Variants in CPNE7 observed in about 807,000 individuals in gnomAD.
The protein encoded by CPNE7 is copine-7.
A neutral mutation model predicts 66.5 loss-of-function variants in CPNE7; 78 were observed. That is an observed-to-expected ratio of 1.17 (90% CI 0.98 to 1.42). CPNE7 has a LOEUF of 1.42. Ranked by LOEUF, CPNE7 falls within the 40% of genes most tolerant of loss-of-function variation. The probability of loss-of-function intolerance (pLI) is 0.00; values close to 1 mark genes in which losing one functional copy is unlikely to be tolerated. For missense variants in CPNE7, 1,012 were observed against 776.6 expected (o/e 1.30, Z -3.60); for synonymous variants, 468 against 336.7 (o/e 1.39, Z -4.27).
Position 89,585,719 on chromosome 16 carries a change from G to A in CPNE7, c.714G>A (p.Lys238=), listed in dbSNP as rs915772031. ...TCTGGGATTACGACTCTCGAGGAAA[G>A]CACGACTTCATCGGAGAATTCTCTA... The part of the protein sequence containing the change: ...CLVWDYDSRG[K]HDFIGEFSTT... The change falls in exon 7 of 15, where the codon AAG becomes AAA. Residue 238 remains lysine, a synonymous_variant. Coordinates refer to ENST00000319518, the MANE Select transcript of CPNE7 (RefSeq NM_153636.3). The A allele has an allele frequency of 6.5e-7, 1 of 1,549,370 alleles. No homozygotes were observed. The highest frequency in any genetic ancestry group is 2.0e-5 in the Admixed American group (1 of 50,806).
rs1442966790 is a variant in CPNE7, at chr16:89,584,120, G to A, written c.507+18G>A. The A allele has an allele frequency of 8.1e-6, 13 of 1,604,234 alleles. No homozygotes were observed. The highest frequency in any genetic ancestry group is 1.1e-5 in the Non-Finnish European group (13 of 1,176,114). The stretch of plus-strand genomic sequence containing the variant: ...ACGACAAGGTGAGTGCAGGTGCCGG[G>A]CACGCCTGGCTCAGGCTGAGGTCCG... On this transcript the variant is annotated intron_variant, in intron 4 of 14. Coordinates refer to ENST00000319518, the MANE Select transcript of CPNE7 (RefSeq NM_153636.3). The surrounding 1 kb of genome is among the most constrained non-coding windows in gnomAD (Gnocchi z 6.0).
Position 89,584,258 on chromosome 16 carries a change from C to G in CPNE7, c.507+156C>G, listed in dbSNP as rs142995402. Among the ~76,000 whole-genome samples the G allele has an allele frequency of 2.0e-5, 3 of 152,216 alleles. No individual in the cohort carries two copies. The highest frequency in any genetic ancestry group is 7.2e-5 in the African/African-American group (3 of 41,466). On this transcript the variant is annotated intron_variant, in intron 4 of 14. Transcript: ENST00000319518. This position sits in a 1 kb window ranked among gnomAD's most constrained non-coding sequence, Gnocchi z 6.0. ...CTGGGCGTGCTGCCGTCACGGTCGCCATCATCACTGTCACCGCCATTAGCT... is the reference window on the plus strand; with the variant it reads ...CTGGGCGTGCTGCCGTCACGGTCGCGATCATCACTGTCACCGCCATTAGCT...
At chr16:89,580,377 CCGT>C (rs2058934026) in intron 2 of CPNE7, among the ~76,000 whole-genome samples, 1 of 143,166 alleles carries the variant, frequency 7.0e-6, no homozygotes. Flanking sequence ...ATCCCATCAC[CCGT>C]CACATGGAAC....
intron 5 of CPNE7, 133 bp from the exon 6 acceptor site, chr16:89,585,331 G>A (rs1330624784): frequency 1.5e-6 from 1 of 662,496 alleles, no homozygotes; most frequent in Non-Finnish European, 2.7e-6. Context: ...CAGGGCCCCG[G>A]CGCTGTCTGG....
intron 5 of CPNE7, 37 bp from the exon 6 acceptor site, chr16:89,585,427 C>G: frequency 6.7e-7 from 1 of 1,488,632 alleles, no homozygotes; most frequent in Non-Finnish European, 9.3e-7. Context: ...TCCCAGGGCC[C>G]TGGGCCTCCC....
chr16:89,584,678 TG>T lies in CPNE7; in HGVS notation c.508-94del. The T allele has an allele frequency of 1.2e-6, 1 of 839,510 alleles. No homozygotes were observed. Among genetic ancestry groups the T allele is most frequent in the Non-Finnish European group, 1.9e-6 (1 of 515,726 alleles). The allele number at this position is 839,510 out of a possible 1,614,324, so 52.0% of individuals were successfully genotyped here. A position where few individuals can be genotyped will look rare whatever the true frequency, so the allele number is the denominator to read the frequency against. ...TTGTGCCTGAGGAATTAGCGGCTGGTGGCATGAAGTGAGCCCTGGGAAACGA... is the reference window on the plus strand; with the variant it reads ...TTGTGCCTGAGGAATTAGCGGCTGGTGCATGAAGTGAGCCCTGGGAAACGA... On this transcript the variant is annotated intron_variant, in intron 4 of 14. Coordinates refer to ENST00000319518, the MANE Select transcript of CPNE7 (RefSeq NM_153636.3). This position sits in a 1 kb window ranked among gnomAD's most constrained non-coding sequence, Gnocchi z 6.0.
rs1352789482 is a variant in CPNE7 at position 89,575,881 on chromosome 16, C to A, written c.-17C>A. ...GGCCCCTCAGTGCGCCCAGCCGGGC[C>A]CCCGAACGCCGGGAGCATGAGCGCG... On this transcript the variant is annotated 5_prime_UTR_variant, in exon 1 of 15. Coordinates refer to ENST00000319518, the MANE Select transcript of CPNE7 (RefSeq NM_153636.3). 3 of 1,206,804 alleles carry A rather than the reference C, an allele frequency of 2.5e-6. No individual in the cohort carries two copies. The highest frequency in any genetic ancestry group is 3.1e-6 in the Non-Finnish European group (3 of 971,766). 74.8% of individuals were successfully genotyped at this position (1,206,804 alleles called of 1,614,324 possible). A position where few individuals can be genotyped will look rare whatever the true frequency, so the allele number is the denominator to read the frequency against.
Position 89,584,114 on chromosome 16 carries a change from T to G in CPNE7, c.507+12T>G, listed in dbSNP as rs2058998688. The G allele has an allele frequency of 1.2e-6, 2 of 1,607,122 alleles. No homozygotes were observed. Among genetic ancestry groups the G allele is most frequent in the South Asian group, 2.2e-5 (2 of 90,624 alleles). On this transcript the variant is annotated intron_variant, in intron 4 of 14. Coordinates refer to ENST00000319518, the MANE Select transcript of CPNE7 (RefSeq NM_153636.3). The surrounding 1 kb of genome is among the most constrained non-coding windows in gnomAD (Gnocchi z 6.0). ...AGCTGGACGACAAGGTGAGTGCAGG[T>G]GCCGGGCACGCCTGGCTCAGGCTGA...
intron 2 of CPNE7, among the ~76,000 whole-genome samples, chr16:89,582,774 C>T (rs78714034): frequency 6.6e-6 from 1 of 152,348 alleles, no homozygotes; most frequent in Admixed American, 6.5e-5. Flanking sequence ...TTCAACCTAC[C>T]TCATTGTGAC....
intron 2 of CPNE7, chr16:89,583,294 C>G: frequency 1.3e-6 from 1 of 760,640 alleles, no homozygotes; most frequent in Non-Finnish European, 2.3e-6. Context: ...GCCTCTGCTT[C>G]TGCGGGTTCT....
rs780995446 is a variant in CPNE7, at chr16:89,584,874, G to A, written c.591+17G>A. 24 of 1,607,330 alleles carry A rather than the reference G, an allele frequency of 1.5e-5. 1 individual carries two copies. The highest frequency in any genetic ancestry group is 1.7e-5 in the Admixed American group (1 of 59,966). On this transcript the variant is annotated intron_variant, in intron 5 of 14. Coordinates refer to ENST00000319518, the MANE Select transcript of CPNE7 (RefSeq NM_153636.3). This position sits in a 1 kb window ranked among gnomAD's most constrained non-coding sequence, Gnocchi z 6.0. ...AGGACGGAGGTGAGCGGCCGGGGAT[G>A]GGAACACAGGGAGGGGAAGGGGCTG... is the stretch of plus-strand genomic sequence containing the variant.
intron 13 of CPNE7, among the ~76,000 whole-genome samples, chr16:89,591,490 G>A (rs2059168627): frequency 6.6e-6 from 1 of 152,228 alleles, no homozygotes; most frequent in South Asian, 2.1e-4. Context: ...GGCCATGGCT[G>A]CAGCGAGGCT....
intron 13 of CPNE7, among the ~76,000 whole-genome samples, chr16:89,591,572 AT>A (rs2059170288): frequency 6.6e-6 from 1 of 152,084 alleles, no homozygotes; most frequent in Admixed American, 6.6e-5. Context: ...GTGTATCGTC[AT>A]TTTGTTTACA....
intron 14 of CPNE7, among the ~76,000 whole-genome samples, chr16:89,596,119 C>T (rs551634461): frequency 1.2e-4 from 19 of 152,384 alleles, no homozygotes; most frequent in African/African-American, 4.1e-4. Flanking sequence ...GACACGGACA[C>T]GTGACATTCT....
chr16:89,585,661 G>A, intron 6 of CPNE7, 26 bp from the exon 7 acceptor site: 2 of 1,553,896 alleles, frequency 1.3e-6, no homozygotes, highest in South Asian at 1.2e-5. Flanking sequence ...CCAGACAGCA[G>A]TGCTGAGGAG....
chr16:89,583,747 G>C lies in CPNE7; in HGVS notation c.408G>C (p.Arg136Ser). The C allele has an allele frequency of 1.2e-6, 2 of 1,612,742 alleles. No individual in the cohort carries two copies. The highest frequency in any genetic ancestry group is 1.7e-6 in the Non-Finnish European group (2 of 1,179,922). ...VTRPLLLKFG[R>S]NAGKSTITVI... is the part of the protein sequence containing the mutation. ...GCCCGCTGCTGCTCAAGTTTGGCAG[G>C]AACGCTGGCAAGTCCACCATCACGG... The change falls in exon 3 of 15, where the codon AGG becomes AGC. Residue 136 changes from arginine to serine, a missense_variant. By Grantham distance (110) the Arg-to-Ser change is moderately radical. Transcript: ENST00000319518.
At chr16:89,593,742 T>A (rs2059210707) in intron 13 of CPNE7, among the ~76,000 whole-genome samples, 1 of 152,254 alleles carries the variant, frequency 6.6e-6, no homozygotes, top group Non-Finnish European at 1.5e-5. Flanking sequence ...GAAATTGAAT[T>A]TAGATACAAT....
intron 2 of CPNE7, chr16:89,583,355 G>T: frequency 1.6e-6 from 2 of 1,281,184 alleles, no homozygotes; most frequent in East Asian, 2.5e-5. Flanking sequence ...GTGGAGGGGC[G>T]TCCGCCACAC....
At position 89,584,034 on chromosome 16, in the gene CPNE7, G is replaced by A. The variant is rs772502780; in HGVS notation, c.439G>A (p.Ala147Thr). 13 of 1,612,036 alleles carry A rather than the reference G, an allele frequency of 8.1e-6. No homozygotes were observed. The highest frequency in any genetic ancestry group is 1.7e-4 in the Middle Eastern group (1 of 6,050). The change falls in exon 4 of 15, where the codon GCC (alanine) becomes ACC (threonine). Residue 147 changes from alanine to threonine, a missense_variant. By Grantham distance (58) the Ala-to-Thr change is moderately conservative (BLOSUM62 0). Transcript: ENST00000319518. This position sits in a 1 kb window ranked among gnomAD's most constrained non-coding sequence, Gnocchi z 6.0. ...NAGKSTITVI[A>T]EDISGNNGYV... ...CCGGGCGTCCCCCTGCCAGGTGATC[G>A]CCGAGGACATCTCGGGGAACAACGG...
Sources: gnomAD v4.1 joint callset for allele counts (sites outside exome capture counted in the v4.1 genomes callset) on GRCh38, gnomAD v4.1.1 for gene constraint, Gnocchi (gnomAD v3.1) non-coding constraint, MANE v1.5 for transcripts, NCBI Gene and HGNC (gene_info 2026-07-23, HGNC 2026-07-21) for gene names.